The following PCDH15 variants were observed in gnomAD, a reference collection of about 807,000 sequenced individuals.
PCDH15 encodes the protein protocadherin-15.
A neutral mutation model predicts 178.5 loss-of-function variants in PCDH15; 129 were observed. The ratio of observed to expected loss-of-function variants is 0.72; its 90% confidence interval spans 0.63 to 0.84. PCDH15 has a LOEUF of 0.84. Among genes scored for constraint, PCDH15 ranks in the 40% least tolerant of loss-of-function variants. The probability of loss-of-function intolerance (pLI) is 0.00; values close to 1 mark genes in which losing one functional copy is unlikely to be tolerated. For synonymous variants in PCDH15, 800 were observed against 732.0 expected (o/e 1.09, Z -1.50); for missense variants, 2,230 against 2,099.9 (o/e 1.06, Z -1.21).
intron 1 of PCDH15, among the ~76,000 whole-genome samples, chr10:54,749,788 G>A (rs573290750): frequency 7.9e-5 from 12 of 152,104 alleles, no homozygotes; most frequent in African/African-American, 2.4e-4. Context: ...AAAACCCTAC[G>A]TGCTTGCTTG....
At chr10:54,950,990 A>G (rs1405974981) in intron 2 of PCDH15, among the ~76,000 whole-genome samples, 5 of 151,988 alleles carry the variant, frequency 3.3e-5, no homozygotes, top group Non-Finnish European at 5.9e-5. Flanking sequence ...CTCCACCCCT[A>G]CAAAATATAG....
At chr10:54,170,085 C>G (rs991674139) in intron 13 of PCDH15, among the ~76,000 whole-genome samples, 1 of 132,874 alleles carries the variant, frequency 7.5e-6, no homozygotes, top group East Asian at 2.0e-4. Flanking sequence ...TGACACCCAT[C>G]AAGCTCAGCA....
intron 2 of PCDH15, among the ~76,000 whole-genome samples, chr10:55,057,416 C>T (rs1841332035): frequency 6.6e-6 from 1 of 152,058 alleles, no homozygotes. Flanking sequence ...TATTTTATTT[C>T]CATTTTTCAA....
At chr10:54,158,031 G>T (rs1023497121) in intron 13 of PCDH15, among the ~76,000 whole-genome samples, 1 of 152,172 alleles carries the variant, frequency 6.6e-6, no homozygotes, top group Non-Finnish European at 1.5e-5. Context: ...CATTTGACAA[G>T]TCTCTAGGAA....
intron 1 of PCDH15, among the ~76,000 whole-genome samples, chr10:55,227,986 C>G (rs2132193938): frequency 6.6e-6 from 1 of 152,134 alleles, no homozygotes; most frequent in Non-Finnish European, 1.5e-5. Context: ...GCTAAATGTG[C>G]AGGTTTATTT....
chr10:55,520,197 C>T (rs1216032687), intron 2 of PCDH15, among the ~76,000 whole-genome samples: 1 of 54,296 alleles, frequency 1.8e-5, no homozygotes, highest in African/African-American at 8.3e-5. Context: ...TATATATATA[C>T]ACGCAATGTG....
chr10:55,159,064 G>A (rs1838980955), intron 2 of PCDH15, among the ~76,000 whole-genome samples: 1 of 151,950 alleles, frequency 6.6e-6, no homozygotes, highest in African/African-American at 2.4e-5. Context: ...GGAGGCTGAT[G>A]TCCTCAGTGG....
intron 23 of PCDH15, among the ~76,000 whole-genome samples, chr10:53,943,843 G>A (rs529021516): frequency 1.3e-5 from 2 of 152,126 alleles, no homozygotes; most frequent in African/African-American, 4.8e-5. Context: ...CCATGATAAT[G>A]AGCATTAGAT....
At chr10:55,405,463 C>T (rs1420808012) in intron 2 of PCDH15, among the ~76,000 whole-genome samples, 2 of 151,342 alleles carry the variant, frequency 1.3e-5, no homozygotes, top group South Asian at 4.2e-4. Context: ...TAACTTAAAT[C>T]ATTTATCTAT....
intron 2 of PCDH15, among the ~76,000 whole-genome samples, chr10:54,632,152 C>A (rs1352152494): frequency 6.6e-6 from 1 of 151,614 alleles, no homozygotes; most frequent in Non-Finnish European, 1.5e-5. Flanking sequence ...CAGCTGGAGA[C>A]CATTATCCTA....
chr10:55,600,841 T>G lies in PCDH15; in HGVS notation c.-156+26784A>C, dbSNP rs1360795366. Among the ~76,000 whole-genome samples the G allele has an allele frequency of 2.6e-5, 4 of 152,274 alleles. No individual in the cohort carries two copies. The South Asian group carries it at 6.2e-4, about 24-fold the overall frequency. On this transcript the variant is annotated intron_variant, in intron 2 of 5. Coordinates refer to the PCDH15 transcript ENST00000613346. The stretch of plus-strand genomic sequence containing the variant: ...CAGGTTCTTATGCTTTCCACTAAGC[T>G]GCATTGCCCTTCTCCTTTTTTAAAA...
At chr10:54,028,155 G>T (rs1185865148) in intron 18 of PCDH15, among the ~76,000 whole-genome samples, 7 of 149,186 alleles carry the variant, frequency 4.7e-5, no homozygotes, top group Admixed American at 1.3e-4. Context: ...CTCAAAAGAA[G>T]ACATTTATGC....
chr10:54,827,735 G>A (rs572969797), intron 3 of PCDH15, among the ~76,000 whole-genome samples: 2 of 152,096 alleles, frequency 1.3e-5, no homozygotes, highest in African/African-American at 4.8e-5. Flanking sequence ...CTTTCATTTA[G>A]CTGGCAAAGA....
At chr10:54,886,896 GTATAT>G (rs558436855) in intron 3 of PCDH15, among the ~76,000 whole-genome samples, 1 of 152,232 alleles carries the variant, frequency 6.6e-6, no homozygotes, top group Admixed American at 6.5e-5. Flanking sequence ...GAAACTCTGT[GTATAT>G]TAAATTGTGA....
At position 54,937,076 on chromosome 10, in the gene PCDH15, C is replaced by T. The variant is rs188833844; in HGVS notation, c.-79-39576G>A. On this transcript the variant is annotated intron_variant, in intron 2 of 5. Coordinates refer to the PCDH15 transcript ENST00000458638. ...GTTGTGTATGTATTTATCCACTTGTCTCCATATCACTTCTTGAAAGATTTA... is the reference window on the plus strand; with the variant it reads ...GTTGTGTATGTATTTATCCACTTGTTTCCATATCACTTCTTGAAAGATTTA... 1.2e-3 allele frequency among the ~76,000 whole-genome samples: 187 copies of T among 152,050 alleles called. 1 individual carries two copies. Among genetic ancestry groups the T allele is most frequent in the Non-Finnish European group, 1.6e-3 (111 of 67,888 alleles).
At chr10:54,437,320 T>C (rs1403154125) in intron 3 of PCDH15, among the ~76,000 whole-genome samples, 1 of 152,128 alleles carries the variant, frequency 6.6e-6, no homozygotes, top group Non-Finnish European at 1.5e-5. Context: ...AAGTAGAACA[T>C]TCAGCCAAGA....
chr10:55,368,154 C>T (rs1255900197), intron 2 of PCDH15, among the ~76,000 whole-genome samples: 1 of 151,840 alleles, frequency 6.6e-6, no homozygotes, highest in Middle Eastern at 3.2e-3. Flanking sequence ...GATATTTATT[C>T]TCATTCTCTC....
At chr10:54,363,763 C>T (rs1455611584) in intron 5 of PCDH15, among the ~76,000 whole-genome samples, 1 of 152,080 alleles carries the variant, frequency 6.6e-6, no homozygotes, top group African/African-American at 2.4e-5. Flanking sequence ...TCTACCAAAA[C>T]ATGAGAGTAT....
chr10:54,911,844 TAA>T (rs1216610650), intron 2 of PCDH15, among the ~76,000 whole-genome samples: 1 of 152,214 alleles, frequency 6.6e-6, no homozygotes, highest in Non-Finnish European at 1.5e-5. Context: ...GTCATGATTA[TAA>T]GTTTCCTGAG....
Sources: gnomAD v4.1 joint callset for allele counts (sites outside exome capture counted in the v4.1 genomes callset) on GRCh38, gnomAD v4.1.1 for gene constraint, MANE v1.5 for transcripts, NCBI Gene and HGNC (gene_info 2026-07-23, HGNC 2026-07-21) for gene names.